SEMA3A: variants seen among roughly 807,000 people sequenced by gnomAD.
SEMA3A encodes semaphorin 3A.
Under a neutral mutation model 97.9 loss-of-function variants are expected in SEMA3A, and 29 were observed. That is an observed-to-expected ratio of 0.30 (90% CI 0.22 to 0.40). The LOEUF (loss-of-function observed/expected upper bound fraction) is 0.40. SEMA3A is among the 10% of genes least tolerant of loss of function. The pLI, the probability that SEMA3A is intolerant of heterozygous loss-of-function variation, is 1.00. For missense variants in SEMA3A, 763 were observed against 951.3 expected, an observed-to-expected ratio of 0.80 and a Z score of 2.60; for synonymous variants, 321 against 323.7, an observed-to-expected ratio of 0.99 and a Z score of 0.09.
chr7:84,215,926 TAC>T (rs35981045), intron 3 of SEMA3A, among the ~76,000 whole-genome samples: 7,805 of 151,196 alleles, frequency 0.052, 203 homozygotes, highest in South Asian at 0.07. Context: ...TACATATAGA[TAC>T]ACACACACAC....
intron 1 of SEMA3A, among the ~76,000 whole-genome samples, chr7:84,437,355 C>G (rs992650145): frequency 2.6e-5 from 4 of 151,990 alleles, no homozygotes; most frequent in Admixed American, 2.0e-4. Context: ...GCTTTGGCCA[C>G]TCTCCCTTGA....
chr7:84,318,328 T>G lies in SEMA3A; in HGVS notation c.-168-11036A>C, dbSNP rs1027739477. ...TAAATGATTTCTTGGTTTTTTTTTT[T>G]TTTTTTTTTTTTGAGACGGAGTCTC... On this transcript the variant is annotated intron_variant, in intron 2 of 3. Coordinates refer to the SEMA3A transcript ENST00000424555. Among the ~76,000 whole-genome samples the G allele has an allele frequency of 1.2e-3, 160 of 136,986 alleles. 2 individuals are homozygous for G. The highest frequency in any genetic ancestry group is 3.8e-3 in the African/African-American group (127 of 33,146). The allele number at this position is 136,986 out of a possible 152,430, so 89.9% of individuals were successfully genotyped here. A position where few individuals can be genotyped will look rare whatever the true frequency, so the allele number is the denominator to read the frequency against.
At chr7:84,401,885 T>C (rs769896381) in intron 1 of SEMA3A, among the ~76,000 whole-genome samples, 4 of 152,226 alleles carry the variant, frequency 2.6e-5, no homozygotes, top group East Asian at 1.9e-4. Flanking sequence ...ACCAAAGACC[T>C]GAAACTATGA....
intron 15 of SEMA3A, among the ~76,000 whole-genome samples, chr7:83,971,671 G>A (rs1310010394): frequency 6.6e-6 from 1 of 152,092 alleles, no homozygotes; most frequent in Admixed American, 6.6e-5. Flanking sequence ...ATGCATGAAT[G>A]TGTAGTTAAG....
intron 3 of SEMA3A, among the ~76,000 whole-genome samples, chr7:84,207,142 AATC>A (rs1230805948): frequency 6.6e-6 from 1 of 152,212 alleles, no homozygotes; most frequent in Non-Finnish European, 1.5e-5. Context: ...GCACTGCTTT[AATC>A]GAGAGACCTC....
intron 1 of SEMA3A, among the ~76,000 whole-genome samples, chr7:84,474,599 T>C (rs534290052): frequency 9.8e-5 from 15 of 152,342 alleles, no homozygotes; most frequent in African/African-American, 3.6e-4. Context: ...TAAGAGCTGA[T>C]GGGTCCAGAG....
At chr7:84,485,144 C>T (rs576059054) in intron 1 of SEMA3A, among the ~76,000 whole-genome samples, 2 of 152,162 alleles carry the variant, frequency 1.3e-5, no homozygotes, top group South Asian at 4.1e-4. Context: ...AGTAATGTTC[C>T]TTTTCCATAT....
intron 5 of SEMA3A, among the ~76,000 whole-genome samples, chr7:84,057,558 A>G (rs1167559681): frequency 1.3e-5 from 2 of 152,028 alleles, no homozygotes; most frequent in African/African-American, 4.8e-5. Context: ...CGAGGTCAGG[A>G]GTTCGAGACC....
intron 1 of SEMA3A, among the ~76,000 whole-genome samples, chr7:84,174,081 C>A (rs1277452812): frequency 6.6e-6 from 1 of 151,978 alleles, no homozygotes; most frequent in Non-Finnish European, 1.5e-5. Context: ...CATATTGAAA[C>A]CCTATCAGTC....
intron 3 of SEMA3A, among the ~76,000 whole-genome samples, chr7:84,223,350 C>CAT (rs1173119166): frequency 1.3e-5 from 2 of 151,636 alleles, no homozygotes; most frequent in Non-Finnish European, 3.0e-5. Flanking sequence ...CATGTATATA[C>CAT]ATATATATAC....
chr7:84,079,605 C>A (rs1427107046), intron 4 of SEMA3A, among the ~76,000 whole-genome samples: 4 of 150,402 alleles, frequency 2.7e-5, no homozygotes, highest in Non-Finnish European at 5.9e-5. Flanking sequence ...TGAAAAAATG[C>A]TCATCATCAC....
chr7:84,008,690 T>C (rs1189956118), intron 9 of SEMA3A, among the ~76,000 whole-genome samples: 1 of 152,154 alleles, frequency 6.6e-6, no homozygotes, highest in East Asian at 1.9e-4. Flanking sequence ...TTGCAATAGT[T>C]TGTTATTGGA....
At chr7:84,225,305 G>C (rs1798964510) in intron 3 of SEMA3A, among the ~76,000 whole-genome samples, 2 of 152,140 alleles carry the variant, frequency 1.3e-5, no homozygotes, top group African/African-American at 2.4e-5. Flanking sequence ...TTATCATATT[G>C]CACACATTGT....
rs552116126 is a variant in SEMA3A, at chr7:84,331,581, C to T, written c.-168-24289G>A. Among the ~76,000 whole-genome samples, 24 of 152,088 alleles carry T rather than the reference C, an allele frequency of 1.6e-4. No individual in the cohort carries two copies. The South Asian group carries it at 5.0e-3, about 32-fold the overall frequency. ...TATACCAAGAGAATCAGATTTCCAA[C>T]TATGGTTTGATGTCATTGTGTATAT... On this transcript the variant is annotated intron_variant, in intron 2 of 3. Coordinates refer to the SEMA3A transcript ENST00000424555.
At chr7:84,152,343 C>G (rs1316099926) in intron 1 of SEMA3A, among the ~76,000 whole-genome samples, 4 of 136,906 alleles carry the variant, frequency 2.9e-5, no homozygotes, top group Non-Finnish European at 6.2e-5. Flanking sequence ...ACATATACAC[C>G]ATGGAATACT....
intron 6 of SEMA3A, among the ~76,000 whole-genome samples, chr7:84,028,502 C>G (rs972317281): frequency 6.6e-6 from 1 of 152,130 alleles, no homozygotes; most frequent in African/African-American, 2.4e-5. Flanking sequence ...ATATTATGGT[C>G]TTTAACATTT....
intron 3 of SEMA3A, among the ~76,000 whole-genome samples, chr7:84,280,706 G>A (rs551467908): frequency 8.1e-4 from 124 of 152,170 alleles, no homozygotes; most frequent in African/African-American, 2.8e-3. Flanking sequence ...CCTTGAACCC[G>A]GGAGGCGGAG....
intron 10 of SEMA3A, 90 bp from the exon 11 acceptor site, chr7:84,005,648 A>G: frequency 1.1e-6 from 1 of 927,370 alleles, no homozygotes. Flanking sequence ...CAATGGTTCT[A>G]CTTAAAATAG....
At chr7:84,080,210 G>T (rs1029550866) in intron 4 of SEMA3A, among the ~76,000 whole-genome samples, 3 of 93,064 alleles carry the variant, frequency 3.2e-5, no homozygotes, top group Non-Finnish European at 5.9e-5. Flanking sequence ...TGTGGGGTGG[G>T]GGGAGGGGGT....
Sources: gnomAD v4.1 joint callset for allele counts (sites outside exome capture counted in the v4.1 genomes callset) on GRCh38, gnomAD v4.1.1 for gene constraint, MANE v1.5 for transcripts, NCBI Gene and HGNC (gene_info 2026-07-23, HGNC 2026-07-21) for gene names.